Variants in ARB2A observed in about 807,000 individuals in gnomAD.
ARB2A encodes the protein cotranscriptional regulator ARB2A.
the ARB2A span, among the ~76,000 whole-genome samples, chr5:93,783,582 A>G: frequency 6.6e-6 from 1 of 152,142 alleles, no homozygotes; most frequent in East Asian, 1.9e-4. Context: ...AAAACCAGGA[A>G]GGTCAATCAG....
At chr5:93,883,637 T>G in the ARB2A span, among the ~76,000 whole-genome samples, 1 of 151,532 alleles carries the variant, frequency 6.6e-6, no homozygotes, top group African/African-American at 2.4e-5. Context: ...TCCTTGTGCC[T>G]CTTACAACTT....
the ARB2A span, among the ~76,000 whole-genome samples, chr5:94,003,806 T>C: frequency 3.3e-5 from 5 of 152,154 alleles, no homozygotes; most frequent in Admixed American, 2.0e-4. Context: ...GAAGCTCCTA[T>C]TGAAATCTCA....
chr5:93,866,050 C>T, the ARB2A span: 1 of 982,542 alleles, frequency 1.0e-6, no homozygotes, highest in Non-Finnish European at 1.2e-6. Context: ...CTATAATATG[C>T]TATTAATTCT....
chr5:93,873,292 A>C, the ARB2A span, among the ~76,000 whole-genome samples: 2 of 18,572 alleles, frequency 1.1e-4, 1 homozygote, highest in Non-Finnish European at 2.8e-4. Flanking sequence ...ACCCTGTCTC[A>C]AAAAAAAAAG....
chr5:94,048,511 G>A, the ARB2A span, among the ~76,000 whole-genome samples: 1 of 152,198 alleles, frequency 6.6e-6, no homozygotes, highest in Non-Finnish European at 1.5e-5. Context: ...AGTCATGGAT[G>A]CTGTCAGATG....
the ARB2A span, among the ~76,000 whole-genome samples, chr5:93,795,184 G>T: frequency 6.6e-6 from 1 of 151,990 alleles, no homozygotes; most frequent in Non-Finnish European, 1.5e-5. Flanking sequence ...ATTCCCAGGG[G>T]GATTGTGTTC....
chr5:93,945,396 C>T, the ARB2A span, among the ~76,000 whole-genome samples: 1,611 of 128,034 alleles, frequency 0.013, 23 homozygotes, highest in African/African-American at 0.045. Flanking sequence ...GCCTGGGCGA[C>T]AGAGCAAGAT....
the ARB2A span, among the ~76,000 whole-genome samples, chr5:93,673,564 G>A: frequency 7.9e-5 from 12 of 152,178 alleles, no homozygotes; most frequent in Non-Finnish European, 1.8e-4. Flanking sequence ...AATGTATTTT[G>A]CAGTAAATGC....
chr5:93,656,235 CTG>C, the ARB2A span, among the ~76,000 whole-genome samples: 1 of 152,126 alleles, frequency 6.6e-6, no homozygotes, highest in East Asian at 1.9e-4. Context: ...AAAGAATACA[CTG>C]TTATGAAAAA....
chr5:93,995,319 G>C, the ARB2A span, among the ~76,000 whole-genome samples: 1 of 152,110 alleles, frequency 6.6e-6, no homozygotes, highest in Non-Finnish European at 1.5e-5. Flanking sequence ...ATCTCTCAAG[G>C]TTCTTGCATA....
chr5:93,705,031 T>C, the ARB2A span, among the ~76,000 whole-genome samples: 111 of 152,126 alleles, frequency 7.3e-4, no homozygotes, highest in Non-Finnish European at 9.4e-4. Flanking sequence ...AGGTACATAG[T>C]ATAAAGACAT....
At chr5:94,065,550 G>A in the ARB2A span, among the ~76,000 whole-genome samples, 2 of 151,898 alleles carry the variant, frequency 1.3e-5, no homozygotes, top group East Asian at 1.9e-4. Flanking sequence ...CCATGCAAAC[G>A]AAAACCAAAA....
chr5:93,654,919 T>C, the ARB2A span, among the ~76,000 whole-genome samples: 12 of 152,202 alleles, frequency 7.9e-5, no homozygotes, highest in Non-Finnish European at 1.8e-4. Context: ...ACTACTTTTT[T>C]GTGTCTGGTT....
At chr5:93,767,218 TA>T in the ARB2A span, among the ~76,000 whole-genome samples, 1 of 152,098 alleles carries the variant, frequency 6.6e-6, no homozygotes, top group Non-Finnish European at 1.5e-5. Flanking sequence ...ACAAGGGGGC[TA>T]AGGATATGAA....
the ARB2A span, among the ~76,000 whole-genome samples, chr5:93,627,451 T>G: frequency 1.3e-5 from 2 of 149,800 alleles, no homozygotes; most frequent in African/African-American, 2.5e-5. Flanking sequence ...TTGTTTTTTT[T>G]TTTTTTTTTT....
chr5:93,869,486 AATAATT>A, the ARB2A span, among the ~76,000 whole-genome samples: 1 of 152,200 alleles, frequency 6.6e-6, no homozygotes, highest in African/African-American at 2.4e-5. Flanking sequence ...CAATTATAAT[AATAATT>A]ATAATTACAA....
chr5:94,058,911 G>A, the ARB2A span, among the ~76,000 whole-genome samples: 1 of 152,028 alleles, frequency 6.6e-6, no homozygotes, highest in Non-Finnish European at 1.5e-5. Flanking sequence ...AGTTCCCTGA[G>A]ATCTGCTTGC....
chr5:94,032,120 C>T, the ARB2A span, among the ~76,000 whole-genome samples: 1 of 152,196 alleles, frequency 6.6e-6, no homozygotes, highest in African/African-American at 2.4e-5. Flanking sequence ...AGTGGAGTGA[C>T]AGGTACAAAG....
chr5:93,763,820 T>C, the ARB2A span, among the ~76,000 whole-genome samples: 2 of 152,168 alleles, frequency 1.3e-5, no homozygotes, highest in South Asian at 2.1e-4. Flanking sequence ...TCAGCAAATG[T>C]AAAAGAACAG....
Sources: gnomAD v4.1 joint callset for allele counts (sites outside exome capture counted in the v4.1 genomes callset) on GRCh38, gnomAD v4.1.1 for gene constraint, MANE v1.5 for transcripts, NCBI Gene and HGNC (gene_info 2026-07-23, HGNC 2026-07-21) for gene names.